The following PDE4B variants were observed in gnomAD, a reference collection of about 807,000 sequenced individuals.
The protein encoded by PDE4B is 3',5'-cyclic-AMP phosphodiesterase 4B.
In PDE4B, 20 loss-of-function variants were observed where a neutral mutation model predicts 82.2. The ratio of observed to expected loss-of-function variants is 0.24; its 90% confidence interval spans 0.17 to 0.35. The LOEUF (loss-of-function observed/expected upper bound fraction) is 0.35, where lower values mean the gene tolerates loss of function less well. Among genes scored for constraint, PDE4B ranks in the 10% least tolerant of loss-of-function variants. The pLI is 1.00. For synonymous variants in PDE4B, 320 were observed against 318.9 expected (o/e 1.00, Z -0.04); for missense variants, 655 against 907.2 (o/e 0.72, Z 3.57).
At chr1:66,262,482 G>A (rs995674284) in intron 6 of PDE4B, among the ~76,000 whole-genome samples, 1 of 152,218 alleles carries the variant, frequency 6.6e-6, no homozygotes, top group Non-Finnish European at 1.5e-5. Flanking sequence ...ATTCAGGGCT[G>A]GAAAGTATGA....
At chr1:65,886,004 G>A (rs1363960830) in intron 1 of PDE4B, among the ~76,000 whole-genome samples, 3 of 151,100 alleles carry the variant, frequency 2.0e-5, no homozygotes, top group African/African-American at 7.3e-5. Context: ...TTTGAATTGA[G>A]GTATGTGCTC....
Position 66,261,344 on chromosome 1 carries a change from C to T in PDE4B, c.584+3481C>T, listed in dbSNP as rs376240187. ...ATGGATACAACATACAGAAAGCATACCCCCACCCGAACACACACACAGACA... is the reference window on the plus strand; with the variant it reads ...ATGGATACAACATACAGAAAGCATATCCCCACCCGAACACACACACAGACA... On this transcript the variant is annotated intron_variant, in intron 6 of 16. Transcript: ENST00000341517. Among the ~76,000 whole-genome samples, 21 of 152,240 alleles carry T rather than the reference C, an allele frequency of 1.4e-4. No homozygotes were observed. In the East Asian group the frequency reaches 1.7e-3, roughly 13 times the overall value.
chr1:66,064,538 T>C (rs1032963019), intron 3 of PDE4B, among the ~76,000 whole-genome samples: 1 of 151,978 alleles, frequency 6.6e-6, no homozygotes, highest in Non-Finnish European at 1.5e-5. Flanking sequence ...TCCAATTTCT[T>C]GCTGGTATTT....
At chr1:66,045,242 TA>T (rs1427884663) in intron 3 of PDE4B, among the ~76,000 whole-genome samples, 2 of 151,798 alleles carry the variant, frequency 1.3e-5, no homozygotes, top group Non-Finnish European at 2.9e-5. Flanking sequence ...ATTTTATTAT[TA>T]TTTTTTTCAA....
At chr1:65,993,014 A>G (rs764320269) in intron 3 of PDE4B, 13 of 1,614,014 alleles carry the variant, frequency 8.1e-6, no homozygotes, top group Non-Finnish European at 1.0e-5. Context: ...CGAGATTACC[A>G]GGAAACAGAC....
rs369708757 is a variant in PDE4B at position 66,251,136 on chromosome 1, T to C, written c.476+3482T>C. Among the ~76,000 whole-genome samples, 8 of 152,370 alleles carry C rather than the reference T, an allele frequency of 5.3e-5. No homozygotes were observed. The East Asian group carries it at 1.3e-3, about 26-fold the overall frequency. The stretch of plus-strand genomic sequence containing the variant: ...CTTTTAAGACATTGAATCTCTTTTA[T>C]TGTCTCTAAATTATCTGTAAGTAAA... On this transcript the variant is annotated intron_variant, in intron 4 of 16. Transcript: ENST00000341517.
chr1:66,258,798 C>T (rs1654458449), intron 6 of PDE4B, among the ~76,000 whole-genome samples: 1 of 152,194 alleles, frequency 6.6e-6, no homozygotes, highest in South Asian at 2.1e-4. Context: ...CTTTCACACA[C>T]ATTTTCATAG....
At chr1:66,230,505 A>T (rs951027928) in intron 3 of PDE4B, among the ~76,000 whole-genome samples, 1 of 152,238 alleles carries the variant, frequency 6.6e-6, no homozygotes, top group Admixed American at 6.5e-5. Context: ...TTGAATGCAA[A>T]GCAAACATAA....
chr1:65,870,915 G>A (rs1646565580), intron 1 of PDE4B, among the ~76,000 whole-genome samples: 1 of 152,128 alleles, frequency 6.6e-6, no homozygotes, highest in African/African-American at 2.4e-5. Context: ...ATAAGAATGA[G>A]AGTATCTGAG....
chr1:65,991,694 C>T (rs539973486), intron 3 of PDE4B, among the ~76,000 whole-genome samples: 2 of 152,296 alleles, frequency 1.3e-5, no homozygotes, highest in South Asian at 4.1e-4. Context: ...TTACAGTGAT[C>T]TGCTTTTGGA....
At chr1:66,006,742 G>T (rs1276015178) in intron 3 of PDE4B, among the ~76,000 whole-genome samples, 1 of 151,976 alleles carries the variant, frequency 6.6e-6, no homozygotes, top group Non-Finnish European at 1.5e-5. Flanking sequence ...ACTTTATGAG[G>T]GGCTTTTCCC....
intron 3 of PDE4B, among the ~76,000 whole-genome samples, chr1:65,936,283 T>C (rs567742063): frequency 6.6e-6 from 1 of 152,174 alleles, no homozygotes; most frequent in Non-Finnish European, 1.5e-5. Flanking sequence ...AACTTTTTTT[T>C]AATATACATA....
chr1:65,818,090 T>C (rs1443824564), intron 1 of PDE4B, among the ~76,000 whole-genome samples: 1 of 152,220 alleles, frequency 6.6e-6, no homozygotes, highest in Non-Finnish European at 1.5e-5. Context: ...AGCAGCCTTC[T>C]AATTATTCCC....
At chr1:66,060,870 C>G (rs550850054) in intron 3 of PDE4B, among the ~76,000 whole-genome samples, 1 of 151,730 alleles carries the variant, frequency 6.6e-6, no homozygotes, top group Non-Finnish European at 1.5e-5. Flanking sequence ...CTGCTTGGTC[C>G]TTCTCTTCTT....
chr1:65,825,712 ATC>A (rs1450668838), intron 1 of PDE4B, among the ~76,000 whole-genome samples: 16 of 131,858 alleles, frequency 1.2e-4, no homozygotes, highest in African/African-American at 4.6e-4. Context: ...TTACCTATCT[ATC>A]TATCTATCTA....
intron 16 of PDE4B, among the ~76,000 whole-genome samples, chr1:66,372,012 G>T (rs1380363825): frequency 6.6e-6 from 1 of 152,208 alleles, no homozygotes; most frequent in Non-Finnish European, 1.5e-5. Flanking sequence ...AGCTGGGACT[G>T]AGTCCCAGCT....
chr1:66,328,396 C>T (rs1032694758), intron 7 of PDE4B, among the ~76,000 whole-genome samples: 2 of 152,192 alleles, frequency 1.3e-5, no homozygotes, highest in African/African-American at 4.8e-5. Flanking sequence ...TGGTGTTAAA[C>T]ATTGTTTCTT....
chr1:66,184,987 C>G (rs1195617025), intron 3 of PDE4B, among the ~76,000 whole-genome samples: 1 of 152,094 alleles, frequency 6.6e-6, no homozygotes, highest in Non-Finnish European at 1.5e-5. Flanking sequence ...TATCCCTCCC[C>G]CCTCCTCCCA....
rs1452039086 is a variant in PDE4B, at chr1:65,913,491, A to C, written c.42+135A>C. ...GTGTTTCTATGACATGGGCACAGCCAGCACCTGGACCTGACGTTCTGTGAG... is the reference window on the plus strand; with the variant it reads ...GTGTTTCTATGACATGGGCACAGCCCGCACCTGGACCTGACGTTCTGTGAG... On this transcript the variant is annotated intron_variant, in intron 2 of 16. Transcript: ENST00000341517. 5 of 774,684 alleles carry C rather than the reference A, an allele frequency of 6.5e-6. No homozygotes were observed. The East Asian group carries it at 1.1e-4, about 16-fold the overall frequency. 48.0% of individuals were successfully genotyped at this position (774,684 alleles called of 1,614,324 possible).
Sources: allele counts gnomAD v4.1 joint callset (sites outside exome capture counted in the v4.1 genomes callset), GRCh38; gene constraint gnomAD v4.1.1; transcripts MANE v1.5; gene names NCBI Gene and HGNC (gene_info 2026-07-23, HGNC 2026-07-21).